HHLA2: variants seen among roughly 807,000 people sequenced by gnomAD.
HHLA2 encodes HERV-H LTR-associating protein 2.
HHLA2 carries 48 observed loss-of-function variants against 45.9 expected under a neutral mutation model. That is an observed-to-expected ratio of 1.05 (90% CI 0.83 to 1.33). HHLA2 has a LOEUF of 1.33. Among genes scored for constraint, HHLA2 ranks in the 40% most tolerant of loss-of-function variants. The pLI is 0.00. For synonymous variants in HHLA2, 161 were observed against 173.9 expected, an observed-to-expected ratio of 0.93 and a Z score of 0.59; for missense variants, 462 against 494.3, an observed-to-expected ratio of 0.93 and a Z score of 0.62.
chr3:108,345,901 C>T (rs1481166050), intron 3 of HHLA2, among the ~76,000 whole-genome samples: 2 of 152,142 alleles, frequency 1.3e-5, no homozygotes, highest in African/African-American at 2.4e-5. Context: ...TTCCTTTTTG[C>T]TCTCTTCCTC....
At chr3:108,363,891 G>A (rs750289651) in intron 8 of HHLA2, among the ~76,000 whole-genome samples, 2 of 152,100 alleles carry the variant, frequency 1.3e-5, no homozygotes, top group Non-Finnish European at 2.9e-5. Context: ...AAACTTGAAG[G>A]GACAAGGACA....
intron 3 of HHLA2, among the ~76,000 whole-genome samples, chr3:108,335,940 C>T (rs1336465631): frequency 1.3e-5 from 2 of 151,882 alleles, no homozygotes; most frequent in African/African-American, 4.8e-5. Context: ...GGCATCATAC[C>T]TAGTAAACAC....
intron 3 of HHLA2, among the ~76,000 whole-genome samples, chr3:108,335,325 C>G (rs573195676): frequency 1.5e-3 from 228 of 152,288 alleles, no homozygotes; most frequent in Non-Finnish European, 1.9e-3. Context: ...CATCCACAAC[C>G]TGTGCTTGTG....
At chr3:108,356,466 C>T (rs1395831774) in intron 6 of HHLA2, among the ~76,000 whole-genome samples, 1 of 152,012 alleles carries the variant, frequency 6.6e-6, no homozygotes, top group African/African-American at 2.4e-5. Flanking sequence ...CAAAAATATA[C>T]TGAAATTGTG....
intron 3 of HHLA2, among the ~76,000 whole-genome samples, chr3:108,350,386 G>T (rs1417786631): frequency 6.6e-6 from 1 of 152,036 alleles, no homozygotes; most frequent in Non-Finnish European, 1.5e-5. Context: ...TCTTCCTAAG[G>T]TCGTGTTTTC....
exon 9 of HHLA2, chr3:108,375,769 G>T (rs762494252): frequency 1.2e-6 from 2 of 1,611,292 alleles, no homozygotes; most frequent in South Asian, 2.2e-5. Context: ...AAGCCAGGAG[G>T]AGCAGACACC....
chr3:108,313,579 C>T (rs992976035), intron 2 of HHLA2, among the ~76,000 whole-genome samples: 10 of 152,132 alleles, frequency 6.6e-5, no homozygotes, highest in Non-Finnish European at 1.3e-4. Context: ...GCTCTTTGGG[C>T]AGTGGTGCAG....
chr3:108,319,563 A>C (rs2081163266), intron 2 of HHLA2, among the ~76,000 whole-genome samples: 1 of 152,192 alleles, frequency 6.6e-6, no homozygotes, highest in Non-Finnish European at 1.5e-5. Context: ...AAGAGTCACA[A>C]AACCTGTTCT....
intron 3 of HHLA2, among the ~76,000 whole-genome samples, chr3:108,328,498 C>A (rs182686504): frequency 6.6e-6 from 1 of 151,846 alleles, no homozygotes; most frequent in African/African-American, 2.4e-5. Flanking sequence ...TATTATTATC[C>A]CTGTTACTAG....
intron 1 of HHLA2, among the ~76,000 whole-genome samples, chr3:108,305,258 G>A (rs935038950): frequency 4.6e-5 from 7 of 152,182 alleles, no homozygotes; most frequent in African/African-American, 1.7e-4. Context: ...TGAGAGAGAA[G>A]GAAAGCGGAA....
At chr3:108,333,004 T>C (rs1455696265) in intron 3 of HHLA2, among the ~76,000 whole-genome samples, 3 of 152,196 alleles carry the variant, frequency 2.0e-5, no homozygotes, top group Non-Finnish European at 1.5e-5. Context: ...GAATTAGCCA[T>C]TGGACTTCAT....
At chr3:108,358,491 G>A (rs891933687) in intron 7 of HHLA2, among the ~76,000 whole-genome samples, 2 of 152,142 alleles carry the variant, frequency 1.3e-5, no homozygotes, top group African/African-American at 4.8e-5. Context: ...TTAGGCCTAG[G>A]GTTTGGGGAT....
chr3:108,372,826 G>A (rs1453131697), intron 8 of HHLA2, among the ~76,000 whole-genome samples: 1 of 152,174 alleles, frequency 6.6e-6, no homozygotes, highest in Non-Finnish European at 1.5e-5. Flanking sequence ...TGAAATTGTG[G>A]CAATAATCAA....
chr3:108,306,366 A>G (rs543933292), intron 1 of HHLA2, among the ~76,000 whole-genome samples: 4 of 152,268 alleles, frequency 2.6e-5, no homozygotes, highest in African/African-American at 9.6e-5. Flanking sequence ...CCAGATTTTC[A>G]TATCTCTTTT....
At chr3:108,307,660 A>C (rs990855998) in intron 1 of HHLA2, among the ~76,000 whole-genome samples, 1 of 151,914 alleles carries the variant, frequency 6.6e-6, no homozygotes, top group Non-Finnish European at 1.5e-5. Context: ...AGTTCTTGTT[A>C]ACTTTTGCCC....
chr3:108,362,605 A>C (rs1471158788), intron 8 of HHLA2, among the ~76,000 whole-genome samples, 159 bp downstream of exon 7: 1 of 152,218 alleles, frequency 6.6e-6, no homozygotes, highest in East Asian at 1.9e-4. Flanking sequence ...AAATGCTCCT[A>C]CATTTCCACC....
intron 1 of HHLA2, among the ~76,000 whole-genome samples, chr3:108,299,761 A>C (rs1470980587): frequency 1.3e-5 from 2 of 152,152 alleles, no homozygotes; most frequent in African/African-American, 4.8e-5. Context: ...TTATACTCTA[A>C]CTCAACCTTA....
intron 3 of HHLA2, among the ~76,000 whole-genome samples, chr3:108,349,026 A>G (rs1021993757): frequency 5.9e-5 from 9 of 152,078 alleles, no homozygotes; most frequent in African/African-American, 2.2e-4. Flanking sequence ...TTTTCTTTAT[A>G]CAGTCTATCA....
intron 2 of HHLA2, among the ~76,000 whole-genome samples, chr3:108,319,250 T>C (rs1457020546): frequency 1.3e-5 from 2 of 152,116 alleles, no homozygotes; most frequent in Non-Finnish European, 2.9e-5. Flanking sequence ...GTACTTGACT[T>C]AAAGAAGGAA....
Sources: gnomAD v4.1 joint callset for allele counts (sites outside exome capture counted in the v4.1 genomes callset) on GRCh38, gnomAD v4.1.1 for gene constraint, MANE v1.5 for transcripts, NCBI Gene and HGNC (gene_info 2026-07-23, HGNC 2026-07-21) for gene names.